The following ABCA13 variants were observed in gnomAD, a reference collection of about 807,000 sequenced individuals.
ABCA13 encodes ATP-binding cassette sub-family A member 13.
A neutral mutation model predicts 478.7 loss-of-function variants in ABCA13; 476 were observed. The observed-to-expected ratio is 0.99, with a 90% CI of 0.92 to 1.07. The LOEUF (loss-of-function observed/expected upper bound fraction) is 1.07, where lower values mean the gene tolerates loss of function less well. Ranked by LOEUF, ABCA13 falls within the 50% of genes least tolerant of loss-of-function variation. The pLI, the probability that ABCA13 is intolerant of heterozygous loss-of-function variation, is 0.00. For missense variants in ABCA13, 6,060 were observed against 5,910.6 expected, an observed-to-expected ratio of 1.03 and a Z score of -0.83; for synonymous variants, 2,252 against 2,158.9, an observed-to-expected ratio of 1.04 and a Z score of -1.20.
At chr7:48,178,023 TC>T (rs1795119530) in intron 1 of ABCA13, among the ~76,000 whole-genome samples, 1 of 152,122 alleles carries the variant, frequency 6.6e-6, no homozygotes, top group African/African-American at 2.4e-5. Flanking sequence ...AAAGCAAACC[TC>T]CCTTTGTATT....
At chr7:48,565,106 T>C (rs1387610968) in intron 55 of ABCA13, among the ~76,000 whole-genome samples, 1 of 152,138 alleles carries the variant, frequency 6.6e-6, no homozygotes, top group African/African-American at 2.4e-5. Context: ...AAGCCACCAT[T>C]TGTTCTTTAA....
At chr7:48,457,900 T>A (rs952500418) in intron 43 of ABCA13, among the ~76,000 whole-genome samples, 1 of 152,228 alleles carries the variant, frequency 6.6e-6, no homozygotes, top group Admixed American at 6.5e-5. Flanking sequence ...AGCATCCACA[T>A]TGATGGAACA....
In ABCA13 at chr7:48,274,169, G is replaced by T; in HGVS notation, c.4503G>T (p.Arg1501Ser). Residue 1501 changes from arginine to serine, a missense_variant, in exon 17 of 62, where the codon AGG becomes AGT. This residue lies in a region of ABCA13 where 4,423 missense variants were observed against 4,309.1 expected (regional missense o/e 1.03). Transcript: ENST00000435803. ...TAAATGATTCCACAAAGCAAGTAAG[G>T]ATGAGTATCAACAACTTAACAACAG... ...ALLNDSTKQVRMSINNLTTDF... is the reference protein window; with the variant it reads ...ALLNDSTKQVSMSINNLTTDF... 6.2e-7 allele frequency: 1 copy of T among 1,610,928 alleles called. No homozygotes were observed. Among genetic ancestry groups the T allele is most frequent in the Non-Finnish European group, 8.5e-7 (1 of 1,178,096 alleles).
intron 1 of ABCA13, among the ~76,000 whole-genome samples, chr7:48,177,853 G>A (rs1024492292): frequency 1.3e-5 from 2 of 152,190 alleles, no homozygotes; most frequent in South Asian, 4.1e-4. Flanking sequence ...GGGATCTTGG[G>A]GCTTGGCCTG....
chr7:48,541,947 T>TA (rs2131133784), intron 55 of ABCA13, among the ~76,000 whole-genome samples: 1 of 150,992 alleles, frequency 6.6e-6, no homozygotes, highest in Non-Finnish European at 1.5e-5. Flanking sequence ...ACAGTGAAAT[T>TA]AAAAATAATG....
At chr7:48,290,713 G>A (rs1309794219) in intron 20 of ABCA13, among the ~76,000 whole-genome samples, 1 of 152,056 alleles carries the variant, frequency 6.6e-6, no homozygotes, top group Non-Finnish European at 1.5e-5. Flanking sequence ...TTTGCTATAA[G>A]GGAATACTCC....
At chr7:48,644,520 G>A (rs1041768197) in intron 60 of ABCA13, 97 bp from the exon 61 acceptor site, 18 of 1,304,040 alleles carry the variant, frequency 1.4e-5, no homozygotes, top group African/African-American at 7.6e-5. Flanking sequence ...TTGAGAAAAC[G>A]TAACTGAATT....
At chr7:48,584,771 T>C (rs540806611) in intron 56 of ABCA13, among the ~76,000 whole-genome samples, 27 of 152,370 alleles carry the variant, frequency 1.8e-4, no homozygotes, top group African/African-American at 5.8e-4. Flanking sequence ...GAGATGTTTT[T>C]GTGACCAGAC....
At chr7:48,460,131 T>C (rs1826090220) in intron 43 of ABCA13, among the ~76,000 whole-genome samples, 1 of 152,160 alleles carries the variant, frequency 6.6e-6, no homozygotes, top group African/African-American at 2.4e-5. Flanking sequence ...ACCAGTTCTT[T>C]AAGAACCCAA....
At chr7:48,418,618 TC>T (rs1449224543) in intron 41 of ABCA13, among the ~76,000 whole-genome samples, 17 of 152,210 alleles carry the variant, frequency 1.1e-4, no homozygotes, top group Non-Finnish European at 2.9e-5. Flanking sequence ...ATCTTCCCTA[TC>T]TTCCACACAC....
chr7:48,451,758 C>G lies in ABCA13; in HGVS notation c.12566-3279C>G, dbSNP rs569274685. Among the ~76,000 whole-genome samples the G allele has an allele frequency of 4.6e-5, 7 of 152,230 alleles. No homozygotes were observed. In the East Asian group the frequency reaches 1.4e-3, roughly 29 times the overall value. Reference sequence around the variant, plus strand: ...TCATATTCTTGGATGCTTGCTGAGACTTTGATATTTAAGCTATTTCTCATA... The same window carrying G: ...TCATATTCTTGGATGCTTGCTGAGAGTTTGATATTTAAGCTATTTCTCATA... On this transcript the variant is annotated intron_variant, in intron 42 of 61. Coordinates refer to ENST00000435803, the MANE Select transcript of ABCA13 (RefSeq NM_152701.5).
intron 3 of ABCA13, among the ~76,000 whole-genome samples, chr7:48,204,817 A>G (rs6583476): frequency 0.26 from 39,215 of 152,088 alleles, 6,419 homozygotes; most frequent in Non-Finnish European, 0.38. Context: ...AGGAAAGACA[A>G]CTCCGGATGG....
chr7:48,225,135 GC>G (rs1787995468), intron 5 of ABCA13, among the ~76,000 whole-genome samples: 2 of 69,862 alleles, frequency 2.9e-5, no homozygotes, highest in Non-Finnish European at 5.8e-5. Flanking sequence ...CTGCCTGCCT[GC>G]CTTCCTTCCT....
rs1356806888 is a variant in ABCA13 at position 48,338,405 on chromosome 7, AC to A, written c.10156del (p.Gln3386SerfsTer6). The A allele has an allele frequency of 6.2e-7, 1 of 1,603,488 alleles. No individual in the cohort carries two copies. The highest frequency in any genetic ancestry group is 2.2e-5 in the East Asian group (1 of 44,518). On this transcript the variant is annotated frameshift_variant, in exon 29 of 62. Coordinates refer to ENST00000435803, the MANE Select transcript of ABCA13 (RefSeq NM_152701.5). LOFTEE classifies it high-confidence loss of function. Reference sequence around the variant, plus strand: ...AAATTTGTAAGAAACTTTGTAGAAAACCAGTTGCACATTGATGTAGACAAAC... The same window carrying A: ...AAATTTGTAAGAAACTTTGTAGAAAACAGTTGCACATTGATGTAGACAAAC... Reference protein sequence around the residue: ...RNKFVRNFVENQLHIDVDKLT... With the variant: ...RNKFVRNFVEXQLHIDVDKLT...
At chr7:48,328,657 C>G (rs1290905266) in intron 27 of ABCA13, among the ~76,000 whole-genome samples, 1 of 151,666 alleles carries the variant, frequency 6.6e-6, no homozygotes, top group Non-Finnish European at 1.5e-5. Flanking sequence ...AAATGGTGGT[C>G]TATTTGATAT....
chr7:48,546,366 A>G (rs1303229361), intron 55 of ABCA13, among the ~76,000 whole-genome samples: 3 of 151,868 alleles, frequency 2.0e-5, no homozygotes, highest in African/African-American at 7.2e-5. Context: ...TCTTGACAGC[A>G]AGAATATAAA....
rs1474568596 is a variant in ABCA13 at position 48,234,005 on chromosome 7, G to A, written c.764-13G>A. On this transcript the variant is annotated splice_polypyrimidine_tract_variant and intron_variant, in intron 7 of 61. Coordinates refer to ENST00000435803, the MANE Select transcript of ABCA13 (RefSeq NM_152701.5). ...AAACAACTGCTGGTGTAAATCTTTT[G>A]TTATTCCAACAGAGCCAGTTTACCA... 2 of 1,612,982 alleles carry A rather than the reference G, an allele frequency of 1.2e-6. No individual in the cohort carries two copies. The highest frequency in any genetic ancestry group is 2.2e-5 in the East Asian group (1 of 44,868).
chr7:48,335,366 T>G, intron 27 of ABCA13, 56 bp from the exon 28 acceptor site: 1 of 1,330,266 alleles, frequency 7.5e-7, no homozygotes. Flanking sequence ...GTTGGAAGAT[T>G]TATCTTAATA....
chr7:48,548,395 C>T (rs1203883185), intron 55 of ABCA13, among the ~76,000 whole-genome samples: 1 of 151,802 alleles, frequency 6.6e-6, no homozygotes, highest in African/African-American at 2.4e-5. Flanking sequence ...CTTTCTTTCT[C>T]AGACATTTAA....
Sources: allele counts gnomAD v4.1 joint callset (sites outside exome capture counted in the v4.1 genomes callset), GRCh38; gene constraint gnomAD v4.1.1; regional missense constraint gnomAD v4.1.1; transcripts MANE v1.5; gene names NCBI Gene and HGNC (gene_info 2026-07-23, HGNC 2026-07-21).